The following ZBTB20 variants were observed in gnomAD, a reference collection of about 807,000 sequenced individuals.
The protein encoded by ZBTB20 is zinc finger and BTB domain containing 20, also known as zinc finger and BTB domain-containing protein 20.
Under a neutral mutation model 56.9 loss-of-function variants are expected in ZBTB20, and 9 were observed. That is an observed-to-expected ratio of 0.16 (90% CI 0.10 to 0.28). ZBTB20 has a LOEUF of 0.28. Ranked by LOEUF, ZBTB20 falls within the 10% of genes least tolerant of loss-of-function variation. The pLI, the probability that ZBTB20 is intolerant of heterozygous loss-of-function variation, is 1.00. For synonymous variants in ZBTB20, 417 were observed against 420.7 expected (o/e 0.99, Z 0.11); for missense variants, 655 against 1,003.0 (o/e 0.65, Z 4.69).
Position 114,799,206 on chromosome 3 carries a change from G to C in ZBTB20, c.-343+1895C>G, listed in dbSNP as rs928562219. ...CTATAATATGGCAAGACGAACTGAGGTATCAGAGCATCATCTACCCTGGAA... is the reference window on the plus strand; with the variant it reads ...CTATAATATGGCAAGACGAACTGAGCTATCAGAGCATCATCTACCCTGGAA... On this transcript the variant is annotated intron_variant, in intron 5 of 11. Coordinates refer to ENST00000675478, the MANE Select transcript of ZBTB20 (RefSeq NM_001348800.3). Among the ~76,000 whole-genome samples the C allele has an allele frequency of 1.6e-4, 25 of 152,004 alleles. No individual in the cohort carries two copies. In the East Asian group the frequency reaches 4.8e-3, roughly 29 times the overall value.
intron 2 of ZBTB20, among the ~76,000 whole-genome samples, chr3:115,054,441 A>G (rs2081675650): frequency 6.6e-6 from 1 of 152,088 alleles, no homozygotes; most frequent in South Asian, 2.1e-4. Context: ...AGGCTTAGAG[A>G]GATTGTATGA....
rs933341014 is a variant in ZBTB20, at chr3:114,318,997, A to T, written c.*20008T>A. 6.6e-6 allele frequency: 1 copy of T among 152,184 alleles called. No individual in the cohort carries two copies. The highest frequency in any genetic ancestry group is 1.5e-5 in the Non-Finnish European group (1 of 68,034). 9.4% of individuals were successfully genotyped at this position (152,184 alleles called of 1,614,324 possible). A position where few individuals can be genotyped will look rare whatever the true frequency, so the allele number is the denominator to read the frequency against. ...ACAATCCCTTTACTTACTCATCTGA[A>T]ACAAAATAAACAGCAGTGGGTACAA... On this transcript the variant is annotated 3_prime_UTR_variant, in exon 12 of 12. Coordinates refer to ENST00000675478, the MANE Select transcript of ZBTB20 (RefSeq NM_001348800.3).
chr3:114,748,355 T>TCC, intron 5 of ZBTB20, among the ~76,000 whole-genome samples: 1 of 137,820 alleles, frequency 7.3e-6, no homozygotes, highest in Non-Finnish European at 1.6e-5. Context: ...CTTTCTTTTC[T>TCC]CTCTCTCTCT....
chr3:114,360,988 C>T (rs1026178496), intron 10 of ZBTB20, among the ~76,000 whole-genome samples: 1 of 151,990 alleles, frequency 6.6e-6, no homozygotes, highest in African/African-American at 2.4e-5. Context: ...AGAAGGCATA[C>T]TTTATAATTA....
chr3:114,815,176 T>C (rs907768306), intron 4 of ZBTB20, among the ~76,000 whole-genome samples: 2 of 152,196 alleles, frequency 1.3e-5, no homozygotes, highest in Non-Finnish European at 2.9e-5. Context: ...TAAAATACTT[T>C]TCTTTTAAAT....
At chr3:114,567,230 G>T (rs1343831480) in intron 6 of ZBTB20, among the ~76,000 whole-genome samples, 1 of 152,048 alleles carries the variant, frequency 6.6e-6, no homozygotes, top group African/African-American at 2.4e-5. Flanking sequence ...TAGTGTGATG[G>T]TTGCACTCAA....
At chr3:114,821,934 T>C (rs545871525) in intron 4 of ZBTB20, among the ~76,000 whole-genome samples, 15 of 152,100 alleles carry the variant, frequency 9.9e-5, no homozygotes, top group Non-Finnish European at 1.5e-4. Flanking sequence ...CATTGATAAA[T>C]TCCATTTCAA....
chr3:115,006,951 A>G lies in ZBTB20; in HGVS notation c.-506-32535T>C, dbSNP rs372315997. Among the ~76,000 whole-genome samples, 3 of 151,878 alleles carry G rather than the reference A, an allele frequency of 2.0e-5. No individual in the cohort carries two copies. The East Asian group carries it at 5.8e-4, about 30-fold the overall frequency. On this transcript the variant is annotated intron_variant, in intron 2 of 11. Coordinates refer to ENST00000675478, the MANE Select transcript of ZBTB20 (RefSeq NM_001348800.3). ...CTTTTTATTAAAAAAAACTCGAGGTAACTTCTTTTCTGATTTAATGTAGCA... is the reference window on the plus strand; with the variant it reads ...CTTTTTATTAAAAAAAACTCGAGGTGACTTCTTTTCTGATTTAATGTAGCA...
intron 1 of ZBTB20, among the ~76,000 whole-genome samples, chr3:115,080,916 A>G (rs2082773965): frequency 6.6e-6 from 1 of 152,188 alleles, no homozygotes; most frequent in African/African-American, 2.4e-5. Context: ...CAAGTTATAA[A>G]GCTTCTATAA....
intron 10 of ZBTB20, among the ~76,000 whole-genome samples, chr3:114,358,981 C>T (rs2081525913): frequency 6.6e-6 from 1 of 152,040 alleles, no homozygotes; most frequent in South Asian, 2.1e-4. Context: ...ATTTAGGCCC[C>T]CTTTTAGCAA....
rs145546900 is a variant in ZBTB20, at chr3:114,332,411, A to G, written c.*6594T>C. The G allele has an allele frequency of 1.6e-4, 25 of 152,362 alleles. No homozygotes were observed. Among genetic ancestry groups the G allele is most frequent in the African/African-American group, 4.1e-4 (17 of 41,592 alleles). 9.4% of individuals were successfully genotyped at this position (152,362 alleles called of 1,614,324 possible). On this transcript the variant is annotated 3_prime_UTR_variant, in exon 12 of 12. Coordinates refer to ENST00000675478, the MANE Select transcript of ZBTB20 (RefSeq NM_001348800.3). ...CCTTGTTAAGGAAATGTTTAAAACT[A>G]GTACTCCCGGGCACCTGTGATTGCA...
At chr3:114,873,606 T>C (rs899408332) in intron 4 of ZBTB20, among the ~76,000 whole-genome samples, 2 of 152,162 alleles carry the variant, frequency 1.3e-5, no homozygotes, top group Non-Finnish European at 1.5e-5. Context: ...GGAAAGTTTT[T>C]TAACATATTG....
chr3:114,802,194 C>A (rs1187224037), intron 4 of ZBTB20, among the ~76,000 whole-genome samples: 1 of 151,774 alleles, frequency 6.6e-6, no homozygotes, highest in Non-Finnish European at 1.5e-5. Flanking sequence ...TGGCAGAATA[C>A]TTTCTATATA....
At chr3:114,771,079 T>TA (rs2108741971) in intron 5 of ZBTB20, among the ~76,000 whole-genome samples, 1 of 152,362 alleles carries the variant, frequency 6.6e-6, no homozygotes, top group Admixed American at 6.5e-5. Context: ...TGACTTCTGT[T>TA]ACGCAATTGC....
intron 6 of ZBTB20, among the ~76,000 whole-genome samples, chr3:114,515,487 A>T (rs2045878259): frequency 6.6e-6 from 1 of 152,220 alleles, no homozygotes; most frequent in Non-Finnish European, 1.5e-5. Context: ...TACGGTTTCC[A>T]GCATAAGTTC....
chr3:114,884,381 G>T (rs1339470939), intron 4 of ZBTB20, among the ~76,000 whole-genome samples: 1 of 152,168 alleles, frequency 6.6e-6, no homozygotes, highest in Non-Finnish European at 1.5e-5. Context: ...TCATCTGACT[G>T]TGTTTTTCAA....
intron 6 of ZBTB20, among the ~76,000 whole-genome samples, chr3:114,679,640 G>A (rs1045380124): frequency 6.6e-6 from 1 of 152,126 alleles, no homozygotes; most frequent in African/African-American, 2.4e-5. Flanking sequence ...AACAACAGAT[G>A]CTGGAAAGGA....
intron 2 of ZBTB20, among the ~76,000 whole-genome samples, chr3:115,035,003 G>A (rs1302498293): frequency 6.6e-6 from 1 of 151,978 alleles, no homozygotes. Flanking sequence ...GGAAAAGTGG[G>A]TATCCACATG....
intron 5 of ZBTB20, among the ~76,000 whole-genome samples, chr3:114,752,730 C>G (rs1036749945): frequency 3.3e-5 from 5 of 152,134 alleles, no homozygotes; most frequent in South Asian, 2.1e-4. Flanking sequence ...GCTGTACTCT[C>G]TGACCTTTTG....
Sources: allele counts gnomAD v4.1 joint callset (sites outside exome capture counted in the v4.1 genomes callset), GRCh38; gene constraint gnomAD v4.1.1; transcripts MANE v1.5; gene names NCBI Gene and HGNC (gene_info 2026-07-23, HGNC 2026-07-21).